Variants in POU2F2 observed in about 807,000 individuals in gnomAD.
The protein encoded by POU2F2 is POU domain, class 2, transcription factor 2.
POU2F2 carries 14 observed loss-of-function variants against 63.5 expected under a neutral mutation model. The observed-to-expected ratio is 0.22, with a 90% CI of 0.15 to 0.34. The LOEUF (loss-of-function observed/expected upper bound fraction) is 0.34. Ranked by LOEUF, POU2F2 falls within the 10% of genes least tolerant of loss-of-function variation. POU2F2 has a pLI of 1.00. For synonymous variants in POU2F2, 306 were observed against 348.6 expected (o/e 0.88, Z 1.36); for missense variants, 607 against 815.2 (o/e 0.74, Z 3.11).
intron 5 of POU2F2, among the ~76,000 whole-genome samples, chr19:42,112,386 T>C (rs1296637041): frequency 6.6e-6 from 1 of 152,144 alleles, no homozygotes; most frequent in Non-Finnish European, 1.5e-5. Context: ...GTTTATTTTA[T>C]TGAGACAGAG....
At chr19:42,170,387 G>C (rs2034737670) in intron 1 of POU2F2, among the ~76,000 whole-genome samples, 1 of 148,324 alleles carries the variant, frequency 6.7e-6, no homozygotes, top group Admixed American at 6.8e-5. Flanking sequence ...TGCAGAGCCA[G>C]ACCCATCGCT....
intron 11 of POU2F2, among the ~76,000 whole-genome samples, chr19:42,094,231 A>G (rs1224637727): frequency 2.0e-5 from 3 of 152,156 alleles, no homozygotes; most frequent in African/African-American, 7.2e-5. Flanking sequence ...TGCAAAACTA[A>G]AACTCTTTTC....
intron 5 of POU2F2, 132 bp from the exon 6 acceptor site, chr19:42,099,953 G>A: frequency 1.4e-6 from 1 of 706,548 alleles, no homozygotes; most frequent in Non-Finnish European, 2.4e-6. Context: ...TGGGCAGTGA[G>A]GGATCGTCCA....
chr19:42,140,740 G>A (rs1412373340), intron 2 of POU2F2, among the ~76,000 whole-genome samples: 1 of 152,206 alleles, frequency 6.6e-6, no homozygotes. Context: ...TCTGAAGACA[G>A]GTGTCCTTTT....
chr19:42,121,029 G>A (rs1051379096), intron 4 of POU2F2, among the ~76,000 whole-genome samples: 8 of 152,142 alleles, frequency 5.3e-5, no homozygotes, highest in South Asian at 2.1e-4. Context: ...GACAGAGCCC[G>A]AGGCCAGGAA....
At chr19:42,170,733 C>G (rs1261445927) in intron 1 of POU2F2, among the ~76,000 whole-genome samples, 1 of 152,226 alleles carries the variant, frequency 6.6e-6, no homozygotes. Context: ...ATACAAAGAC[C>G]CCAAGACACA....
rs1212137471 is a variant in POU2F2, at chr19:42,155,352, C to T, written c.-9+4980G>A. ...TGCTCCTCTCCGTTGCTCTGTTCCC[C>T]TCTCTGTGTTTCTGTCATGAGGTGC... On this transcript the variant is annotated intron_variant, in intron 2 of 6. Transcript: ENST00000524801. This position sits in a 1 kb window ranked among gnomAD's most constrained non-coding sequence, Gnocchi z 4.2. 6.6e-6 allele frequency among the ~76,000 whole-genome samples: 1 copy of T among 152,166 alleles called. No individual in the cohort carries two copies. Among genetic ancestry groups the T allele is most frequent in the African/African-American group, 2.4e-5 (1 of 41,452 alleles).
chr19:42,122,091 T>C (rs753106728), intron 4 of POU2F2, 35 bp downstream of exon 4: 2 of 1,585,612 alleles, frequency 1.3e-6, no homozygotes, highest in Admixed American at 3.3e-5. Flanking sequence ...TTCCAAGCGC[T>C]GCCCACTTCC....
chr19:42,173,231 CTCAACCATCTCCA>C (rs1458273806), intron 1 of POU2F2, among the ~76,000 whole-genome samples: 1 of 152,180 alleles, frequency 6.6e-6, no homozygotes, highest in Non-Finnish European at 1.5e-5. Context: ...ACTTGGGTTT[CTCAACCATCTCCA>C]TCCTGAAATA....
intron 5 of POU2F2, among the ~76,000 whole-genome samples, chr19:42,112,932 G>A (rs2031328033): frequency 6.6e-6 from 1 of 152,038 alleles, no homozygotes; most frequent in South Asian, 2.1e-4. Flanking sequence ...CTTTGCACTT[G>A]CCATTCCCAC....
chr19:42,135,705 CT>C (rs574885235), upstream of POU2F2, among the ~76,000 whole-genome samples: 687 of 141,300 alleles, frequency 4.9e-3, 4 homozygotes, highest in African/African-American at 8.2e-3. Flanking sequence ...AGTCCAGGCT[CT>C]TTTTTTTTTT....
chr19:42,149,789 C>G (rs1262387256), intron 2 of POU2F2, among the ~76,000 whole-genome samples: 2 of 152,162 alleles, frequency 1.3e-5, no homozygotes, highest in African/African-American at 4.8e-5. Flanking sequence ...TCTCCCCTGC[C>G]CCTCACACCA....
chr19:42,173,899 C>T (rs1043309029), intron 1 of POU2F2, among the ~76,000 whole-genome samples: 4 of 152,148 alleles, frequency 2.6e-5, no homozygotes, highest in Admixed American at 6.5e-5. Flanking sequence ...GATGTGGAAT[C>T]GCATTATCAG....
In POU2F2 at chr19:42,106,020, TTTCTTTC is replaced by T. The variant is rs1394893369; in HGVS notation, c.370-6206_370-6200del. ...TCTTTTTTCTTTCTTTCTTTCTTTCTTTCTTTCTTTCTTTCTTTCTTTCTTTCTTTCT... is the reference window on the plus strand; with the variant it reads ...TCTTTTTTCTTTCTTTCTTTCTTTCTTTTCTTTCTTTCTTTCTTTCTTTCT... On this transcript the variant is annotated intron_variant, in intron 5 of 14. Transcript: ENST00000692977. 3.8e-4 allele frequency among the ~76,000 whole-genome samples: 56 copies of T among 147,214 alleles called. No homozygotes were observed. In the East Asian group the frequency reaches 6.2e-3, roughly 16 times the overall value.
intron 1 of POU2F2, among the ~76,000 whole-genome samples, chr19:42,130,145 G>A (rs911813637): frequency 2.0e-5 from 3 of 151,940 alleles, no homozygotes; most frequent in East Asian, 1.9e-4. Flanking sequence ...ACCCGGAGTC[G>A]AACACAGACA....
intron 1 of POU2F2, among the ~76,000 whole-genome samples, chr19:42,167,541 C>T (rs983854867): frequency 4.0e-5 from 6 of 151,860 alleles, no homozygotes; most frequent in Admixed American, 6.5e-5. Context: ...GCTTTCCTGG[C>T]AAAGGAAACA....
Position 42,095,531 on chromosome 19 carries a change from G to A in POU2F2, c.1020+14C>T. On this transcript the variant is annotated intron_variant, in intron 10 of 14. Coordinates refer to ENST00000692977, the MANE Select transcript of POU2F2 (RefSeq NM_001394376.1). The surrounding 1 kb of genome is among the most constrained non-coding windows in gnomAD (Gnocchi z 7.1). ...CCCCTCAGGTGAGGGCCACCCAGGAGAGGGGGGCCTCACCGCTAGAAAACT... is the reference window on the plus strand; with the variant it reads ...CCCCTCAGGTGAGGGCCACCCAGGAAAGGGGGGCCTCACCGCTAGAAAACT... 1 of 1,600,954 alleles carries A rather than the reference G, an allele frequency of 6.2e-7. No individual in the cohort carries two copies. Among genetic ancestry groups the A allele is most frequent in the Non-Finnish European group, 8.5e-7 (1 of 1,173,408 alleles).
At chr19:42,178,559 C>T (rs2034923907), upstream of POU2F2, among the ~76,000 whole-genome samples, 1 of 151,950 alleles carries the variant, frequency 6.6e-6, no homozygotes, top group Admixed American at 6.6e-5. Flanking sequence ...TTGAAAGAGC[C>T]GTTGAAAGAG....
chr19:42,189,522 T>C (rs1291525824), intron 1 of POU2F2, among the ~76,000 whole-genome samples: 2 of 152,204 alleles, frequency 1.3e-5, no homozygotes, highest in African/African-American at 2.4e-5. Flanking sequence ...AGTCTCTCCC[T>C]CTGTTGTGAG....
Sources: gnomAD v4.1 joint callset for allele counts (sites outside exome capture counted in the v4.1 genomes callset) on GRCh38, gnomAD v4.1.1 for gene constraint, Gnocchi (gnomAD v3.1) non-coding constraint, MANE v1.5 for transcripts, NCBI Gene and HGNC (gene_info 2026-07-23, HGNC 2026-07-21) for gene names.